Variants in CMSS1 observed in about 807,000 individuals in gnomAD.
CMSS1 encodes protein CMSS1.
CMSS1 carries 33 observed loss-of-function variants against 43.5 expected under a neutral mutation model. The observed-to-expected ratio is 0.76, with a 90% CI of 0.57 to 1.01. The LOEUF (loss-of-function observed/expected upper bound fraction) is 1.01. Ranked by LOEUF, CMSS1 falls within the 50% of genes least tolerant of loss-of-function variation. CMSS1 has a pLI of 0.00. For synonymous variants in CMSS1, 115 were observed against 117.2 expected (o/e 0.98, Z 0.12); for missense variants, 313 against 326.4 (o/e 0.96, Z 0.32).
At chr3:100,024,957 T>TA (rs2064891560) in intron 1 of CMSS1, among the ~76,000 whole-genome samples, 2 of 152,156 alleles carry the variant, frequency 1.3e-5, no homozygotes, top group Admixed American at 6.5e-5. Context: ...CTGCCAAAGG[T>TA]AAAAAATGCA....
At chr3:100,094,672 GC>G (rs1391031167) in intron 1 of CMSS1, among the ~76,000 whole-genome samples, 41 of 117,254 alleles carry the variant, frequency 3.5e-4, no homozygotes, top group Non-Finnish European at 5.9e-4. Flanking sequence ...TGGAAAAGCT[GC>G]CTTTTTTTTT....
intron 1 of CMSS1, among the ~76,000 whole-genome samples, chr3:100,096,155 G>C (rs938144798): frequency 5.9e-5 from 9 of 152,286 alleles, no homozygotes; most frequent in African/African-American, 2.2e-4. Flanking sequence ...CTCATACACT[G>C]TTGGTGGGAA....
chr3:100,154,365 T>G (rs1454281530), intron 2 of CMSS1, among the ~76,000 whole-genome samples: 1 of 152,170 alleles, frequency 6.6e-6, no homozygotes. Flanking sequence ...TACATGACAA[T>G]TGCTGAGTCA....
intron 1 of CMSS1, among the ~76,000 whole-genome samples, chr3:99,916,663 A>T (rs1240719651): frequency 6.6e-6 from 1 of 152,172 alleles, no homozygotes; most frequent in Non-Finnish European, 1.5e-5. Context: ...ACAAGATTAA[A>T]TGCTTTGCCC....
chr3:100,129,032 G>A (rs1277834251), intron 1 of CMSS1, among the ~76,000 whole-genome samples: 1 of 152,110 alleles, frequency 6.6e-6, no homozygotes, highest in Non-Finnish European at 1.5e-5. Context: ...TGCCACCACA[G>A]TCAGTATACA....
chr3:100,140,048 A>T (rs962664880), intron 1 of CMSS1, among the ~76,000 whole-genome samples: 1 of 152,194 alleles, frequency 6.6e-6, no homozygotes, highest in African/African-American at 2.4e-5. Flanking sequence ...AAATCCATAG[A>T]ACTCTTCAGT....
chr3:100,173,661 G>T (rs1004618000), intron 8 of CMSS1, among the ~76,000 whole-genome samples: 1 of 152,246 alleles, frequency 6.6e-6, no homozygotes, highest in African/African-American at 2.4e-5. Flanking sequence ...TCTTTGAAGT[G>T]TGGGGAGGAT....
chr3:99,866,263 G>T (rs1944511415), intron 1 of CMSS1, among the ~76,000 whole-genome samples: 1 of 152,004 alleles, frequency 6.6e-6, no homozygotes. Flanking sequence ...CAAAGCAGGG[G>T]CCAGTCACGT....
chr3:99,889,851 C>T (rs1206944949), intron 1 of CMSS1, among the ~76,000 whole-genome samples: 3 of 151,954 alleles, frequency 2.0e-5, no homozygotes, highest in African/African-American at 7.2e-5. Flanking sequence ...TGAGCATACC[C>T]TCCCAGTTTT....
At chr3:99,924,685 A>G (rs1015246427) in intron 1 of CMSS1, among the ~76,000 whole-genome samples, 2 of 151,326 alleles carry the variant, frequency 1.3e-5, no homozygotes, top group African/African-American at 4.9e-5. Flanking sequence ...TGCCCAACTA[A>G]TTTTTTTTGT....
intron 1 of CMSS1, among the ~76,000 whole-genome samples, chr3:100,068,962 G>C (rs1365602764): frequency 1.3e-5 from 2 of 152,180 alleles, no homozygotes; most frequent in South Asian, 2.1e-4. Flanking sequence ...CTGTGAAATA[G>C]AGGGACATGA....
chr3:99,858,988 T>C (rs1944108523), intron 1 of CMSS1, among the ~76,000 whole-genome samples: 1 of 152,264 alleles, frequency 6.6e-6, no homozygotes, highest in African/African-American at 2.4e-5. Context: ...AGCCAGTCAC[T>C]TGCTAACCGT....
At chr3:99,993,560 T>TC (rs1209552620) in intron 1 of CMSS1, among the ~76,000 whole-genome samples, 1 of 152,186 alleles carries the variant, frequency 6.6e-6, no homozygotes, top group African/African-American at 2.4e-5. Flanking sequence ...GTTCCAGTTC[T>TC]TAGAGGGAAT....
In CMSS1 at chr3:100,176,401, A is replaced by G. The variant is rs1316699367; in HGVS notation, c.742A>G (p.Met248Val). The change falls in exon 9 of 10, where the codon ATG becomes GTG. Residue 248 changes from methionine (M) to valine (V), a missense_variant. Physicochemically the swap from Met to Val is conservative, Grantham distance 21 (BLOSUM62 1). Coordinates refer to ENST00000421999, the MANE Select transcript of CMSS1 (RefSeq NM_032359.4). ...NWRDQKLRRMMDIPEIRKEVF... is the reference protein window; with the variant it reads ...NWRDQKLRRMVDIPEIRKEVF... ...GAGAGATCAGAAGTTGAGGAGAATG[A>G]TGGACATTCCCGAGGTACCACGTAA... is the stretch of plus-strand genomic sequence containing the variant. 4 of 1,612,376 alleles carry G rather than the reference A, an allele frequency of 2.5e-6. No homozygotes were observed. Among genetic ancestry groups the G allele is most frequent in the African/African-American group, 2.7e-5 (2 of 74,882 alleles).
chr3:100,124,474 G>A (rs2066646992), intron 1 of CMSS1, among the ~76,000 whole-genome samples: 1 of 152,178 alleles, frequency 6.6e-6, no homozygotes, highest in African/African-American at 2.4e-5. Context: ...ATGAGAGAAA[G>A]CAAGAGGCTG....
At chr3:99,924,659 C>T (rs1305340713) in intron 1 of CMSS1, among the ~76,000 whole-genome samples, 1 of 152,170 alleles carries the variant, frequency 6.6e-6, no homozygotes, top group African/African-American at 2.4e-5. Flanking sequence ...GCTGGGATTA[C>T]AGGCATGCGC....
chr3:99,924,475 G>A (rs977604117), intron 1 of CMSS1: 1 of 1,443,140 alleles, frequency 6.9e-7, no homozygotes, highest in Non-Finnish European at 9.6e-7. Context: ...CACTCTTTTA[G>A]AAATGTCCCT....
intron 1 of CMSS1, among the ~76,000 whole-genome samples, chr3:99,892,742 G>T (rs569777211): frequency 4.1e-4 from 62 of 152,124 alleles, no homozygotes; most frequent in Admixed American, 3.9e-4. Flanking sequence ...ACCCTCAAAG[G>T]CTTGCCCTTA....
chr3:100,129,319 A>G (rs897032676), intron 1 of CMSS1, among the ~76,000 whole-genome samples: 1 of 152,236 alleles, frequency 6.6e-6, no homozygotes, highest in Non-Finnish European at 1.5e-5. Flanking sequence ...GTGGCCACAC[A>G]ATGAGTCCTT....
Sources: gnomAD v4.1 joint callset for allele counts (sites outside exome capture counted in the v4.1 genomes callset) on GRCh38, gnomAD v4.1.1 for gene constraint, MANE v1.5 for transcripts, NCBI Gene and HGNC (gene_info 2026-07-23, HGNC 2026-07-21) for gene names.